Variants in FOXP2 observed in about 807,000 individuals in gnomAD.
The protein encoded by FOXP2 is forkhead box protein P2.
A neutral mutation model predicts 115.8 loss-of-function variants in FOXP2; 12 were observed. The ratio of observed to expected loss-of-function variants is 0.10; its 90% CI spans 0.07 to 0.17. The LOEUF (loss-of-function observed/expected upper bound fraction) is 0.17. Among genes scored for constraint, FOXP2 ranks in the 10% least tolerant of loss-of-function variants. The probability of loss-of-function intolerance (pLI) is 1.00; values close to 1 mark genes in which losing one functional copy is unlikely to be tolerated. For synonymous variants in FOXP2, 328 were observed against 297.7 expected (o/e 1.10, Z -1.05); for missense variants, 629 against 843.5 (o/e 0.75, Z 3.15).
chr7:114,089,620 T>C (rs547985348), intron 1 of FOXP2, among the ~76,000 whole-genome samples: 1 of 152,084 alleles, frequency 6.6e-6, no homozygotes, highest in East Asian at 1.9e-4. Flanking sequence ...TGGAGTTTCA[T>C]TTCTTTGCAC....
intron 2 of FOXP2, among the ~76,000 whole-genome samples, chr7:114,334,666 G>T (rs2129183435): frequency 6.6e-6 from 1 of 150,636 alleles, no homozygotes; most frequent in South Asian, 2.1e-4. Flanking sequence ...AGAGAAACTG[G>T]GTTCAAATTT....
Position 114,593,380 on chromosome 7 carries a change from G to C in FOXP2, c.259-35160G>C, listed in dbSNP as rs146508315. ...AACATATTTTTGACGTATCCTTTCA[G>C]CCAGAAAGTTGTACCAATTGACAAA... is the stretch of plus-strand genomic sequence containing the variant. On this transcript the variant is annotated intron_variant, in intron 3 of 16. Transcript: ENST00000350908. Among the ~76,000 whole-genome samples, 296 of 151,976 alleles carry C rather than the reference G, an allele frequency of 1.9e-3. 2 individuals carry two copies. Among genetic ancestry groups the C allele is most frequent in the Non-Finnish European group, 2.7e-3 (185 of 67,886 alleles).
At chr7:114,626,352 C>G (rs1387429698) in intron 3 of FOXP2, among the ~76,000 whole-genome samples, 8 of 151,734 alleles carry the variant, frequency 5.3e-5, no homozygotes. Context: ...TACGGCATAC[C>G]TCCATTCATA....
chr7:114,255,854 A>G (rs1795597431), intron 1 of FOXP2, among the ~76,000 whole-genome samples: 1 of 152,072 alleles, frequency 6.6e-6, no homozygotes, highest in Non-Finnish European at 1.5e-5. Flanking sequence ...TCAGTTGGAA[A>G]TGCAGAAATC....
chr7:114,287,536 G>T (rs1376678683), intron 1 of FOXP2, among the ~76,000 whole-genome samples: 1 of 151,928 alleles, frequency 6.6e-6, no homozygotes, highest in East Asian at 1.9e-4. Context: ...TTTAAATAAT[G>T]ATCCTTACAT....
At chr7:114,268,799 G>A (rs1795966879) in intron 1 of FOXP2, among the ~76,000 whole-genome samples, 1 of 151,944 alleles carries the variant, frequency 6.6e-6, no homozygotes, top group African/African-American at 2.4e-5. Flanking sequence ...TAAATTATTA[G>A]AGGCATGAAA....
At chr7:114,222,018 T>C (rs1281712231) in intron 1 of FOXP2, among the ~76,000 whole-genome samples, 3 of 152,188 alleles carry the variant, frequency 2.0e-5, no homozygotes, top group Non-Finnish European at 4.4e-5. Context: ...ATACACCTGC[T>C]TACCCATGTG....
chr7:114,097,900 G>A (rs974511654), intron 1 of FOXP2, among the ~76,000 whole-genome samples: 2 of 152,014 alleles, frequency 1.3e-5, no homozygotes, highest in African/African-American at 2.4e-5. Flanking sequence ...TCTGTTAATG[G>A]CAAAACAAAT....
intron 1 of FOXP2, among the ~76,000 whole-genome samples, chr7:114,282,240 G>A (rs1042296943): frequency 1.3e-5 from 2 of 152,030 alleles, no homozygotes; most frequent in South Asian, 2.1e-4. Context: ...TCACTACAGT[G>A]GAGTTCTAGT....
chr7:114,494,513 C>G (rs1050543808), intron 2 of FOXP2, among the ~76,000 whole-genome samples: 3 of 151,976 alleles, frequency 2.0e-5, no homozygotes, highest in African/African-American at 7.3e-5. Context: ...TTATCCTTGG[C>G]CAGCACCCAA....
At chr7:114,504,149 T>G (rs1006046060) in intron 2 of FOXP2, among the ~76,000 whole-genome samples, 3 of 151,730 alleles carry the variant, frequency 2.0e-5, no homozygotes, top group Non-Finnish European at 3.0e-5. Context: ...AGTTAATTTT[T>G]ACTGTAATCT....
At chr7:114,321,135 C>T (rs1212486361) in intron 2 of FOXP2, among the ~76,000 whole-genome samples, 1 of 152,004 alleles carries the variant, frequency 6.6e-6, no homozygotes, top group Non-Finnish European at 1.5e-5. Context: ...AGTTAGGTAA[C>T]AAGGAGCCTC....
At chr7:114,165,659 T>C (rs1292413659) in intron 1 of FOXP2, among the ~76,000 whole-genome samples, 1 of 152,160 alleles carries the variant, frequency 6.6e-6, no homozygotes, top group Non-Finnish European at 1.5e-5. Context: ...TTTTCATGGA[T>C]AGATGGGTTC....
At chr7:114,098,424 A>C (rs984081463) in intron 1 of FOXP2, among the ~76,000 whole-genome samples, 5 of 152,240 alleles carry the variant, frequency 3.3e-5, no homozygotes, top group African/African-American at 1.2e-4. Context: ...AAATAAATCC[A>C]AATGGTCAAC....
chr7:114,663,605 G>A, intron 15 of FOXP2, 86 bp downstream of exon 15: 6 of 1,018,176 alleles, frequency 5.9e-6, no homozygotes. Context: ...AGGTGAGATT[G>A]TGATTGTTCT....
intron 2 of FOXP2, among the ~76,000 whole-genome samples, chr7:114,456,978 AAG>A (rs570064804): frequency 2.0e-5 from 3 of 152,210 alleles, no homozygotes; most frequent in Non-Finnish European, 2.9e-5. Context: ...AAAAAAGAAA[AAG>A]AGAGAGAGAG....
At chr7:114,130,018 C>A (rs1225040344) in intron 1 of FOXP2, among the ~76,000 whole-genome samples, 1 of 152,016 alleles carries the variant, frequency 6.6e-6, no homozygotes, top group Non-Finnish European at 1.5e-5. Flanking sequence ...ATTGTTTAAA[C>A]TTTTAAAAAG....
intron 7 of FOXP2, among the ~76,000 whole-genome samples, chr7:114,643,021 C>A (rs1428811254): frequency 1.3e-5 from 2 of 151,134 alleles, no homozygotes; most frequent in African/African-American, 4.9e-5. Flanking sequence ...CCATGTTAGC[C>A]AGGATGGTCT....
chr7:114,626,474 G>T (rs1157249661), intron 3 of FOXP2, among the ~76,000 whole-genome samples: 1 of 151,554 alleles, frequency 6.6e-6, no homozygotes, highest in Non-Finnish European at 1.5e-5. Flanking sequence ...ATAAGGAGCG[G>T]TTATGTAAGA....
Sources: allele counts gnomAD v4.1 joint callset (sites outside exome capture counted in the v4.1 genomes callset), GRCh38; gene constraint gnomAD v4.1.1; transcripts MANE v1.5; gene names NCBI Gene and HGNC (gene_info 2026-07-23, HGNC 2026-07-21).